The following LRP1B variants were observed in gnomAD, a reference collection of about 807,000 sequenced individuals.
The protein encoded by LRP1B is LDL receptor related protein 1B, also known as low-density lipoprotein receptor-related protein 1B.
Under a neutral mutation model 556.6 loss-of-function variants are expected in LRP1B, and 217 were observed. The ratio of observed to expected loss-of-function variants is 0.39; its 90% CI spans 0.35 to 0.44. LRP1B has a LOEUF of 0.44. LRP1B is among the 20% of genes least tolerant of loss of function. The pLI is 1.00. For missense variants in LRP1B, 5,053 were observed against 5,620.8 expected, an observed-to-expected ratio of 0.90 and a Z score of 3.23; for synonymous variants, 2,047 against 1,865.8, an observed-to-expected ratio of 1.10 and a Z score of -2.50.
At chr2:141,503,931 AT>A (rs1228395008) in intron 2 of LRP1B, among the ~76,000 whole-genome samples, 3 of 80,324 alleles carry the variant, frequency 3.7e-5, no homozygotes, top group Non-Finnish European at 8.1e-5. Context: ...AACACTAAGT[AT>A]TTTACTCCAT....
Position 140,239,483 on chromosome 2 carries a change from G to T in LRP1B, c.13374C>A (p.Thr4458=). The part of the protein sequence containing the change: ...VPLVLLVTLI[T]TLVIGLVLCK... The stretch of plus-strand genomic sequence containing the variant: ...AAAGCACTAAACCAATTACTAAGGT[G>T]GTTATCAAAGTCACCAAGAGGACGA... The change falls in exon 88 of 91, where the codon ACC becomes ACA. Residue 4458 remains threonine, a synonymous_variant. Transcript: ENST00000389484. The T allele has an allele frequency of 1.2e-6, 2 of 1,604,102 alleles. No homozygotes were observed. Among genetic ancestry groups the T allele is most frequent in the Non-Finnish European group, 1.7e-6 (2 of 1,173,826 alleles).
At chr2:140,448,853 T>C (rs1686773798) in intron 63 of LRP1B, among the ~76,000 whole-genome samples, 1 of 152,136 alleles carries the variant, frequency 6.6e-6, no homozygotes, top group African/African-American at 2.4e-5. Flanking sequence ...GATAACATCA[T>C]GTTGCATACC....
intron 1 of LRP1B, among the ~76,000 whole-genome samples, chr2:141,966,657 G>A (rs1163943252): frequency 6.6e-6 from 1 of 151,524 alleles, no homozygotes; most frequent in Non-Finnish European, 1.5e-5. Context: ...CCATCTCGGG[G>A]GGCTGCTGGT....
intron 2 of LRP1B, among the ~76,000 whole-genome samples, chr2:141,671,182 A>T (rs1574222413): frequency 6.6e-6 from 1 of 152,226 alleles, no homozygotes; most frequent in East Asian, 1.9e-4. Context: ...GAATTAAAAT[A>T]ATCCTTGAGA....
intron 7 of LRP1B, among the ~76,000 whole-genome samples, chr2:141,089,869 A>G (rs1405420348): frequency 1.3e-5 from 2 of 152,346 alleles, no homozygotes; most frequent in Non-Finnish European, 2.9e-5. Context: ...AGTTGGGTCA[A>G]TGTTCACCAA....
In LRP1B at chr2:141,506,885, T is replaced by C. The variant is rs145148034; in HGVS notation, c.206-26352A>G. Among the ~76,000 whole-genome samples, 805 of 152,254 alleles carry C rather than the reference T, an allele frequency of 5.3e-3. 3 individuals carry two copies. The highest frequency in any genetic ancestry group is 8.5e-3 in the Non-Finnish European group (579 of 67,986). On this transcript the variant is annotated intron_variant, in intron 2 of 90. Transcript: ENST00000389484. Reference sequence around the variant, plus strand: ...AAATTGAAACATAGTTCTAATTGCCTTTGGAATATATTATGTGTAAATGAT... The same window carrying C: ...AAATTGAAACATAGTTCTAATTGCCCTTGGAATATATTATGTGTAAATGAT...
intron 31 of LRP1B, among the ~76,000 whole-genome samples, chr2:140,835,074 GA>G (rs1338434366): frequency 2.0e-5 from 3 of 152,150 alleles, no homozygotes; most frequent in Non-Finnish European, 4.4e-5. Flanking sequence ...GTATGTGAAG[GA>G]AATGAAAATA....
intron 1 of LRP1B, among the ~76,000 whole-genome samples, chr2:141,814,337 C>G (rs911577766): frequency 6.6e-6 from 1 of 152,210 alleles, no homozygotes; most frequent in African/African-American, 2.4e-5. Context: ...GGAGTTCTAC[C>G]GAGGACCTGC....
At chr2:141,847,689 T>A (rs1697699786) in intron 1 of LRP1B, among the ~76,000 whole-genome samples, 1 of 151,550 alleles carries the variant, frequency 6.6e-6, no homozygotes, top group South Asian at 2.1e-4. Flanking sequence ...CTAAATGCAT[T>A]ATTATGTAAA....
At chr2:140,321,113 T>C (rs1020882887) in intron 82 of LRP1B, among the ~76,000 whole-genome samples, 2 of 152,040 alleles carry the variant, frequency 1.3e-5, no homozygotes, top group Non-Finnish European at 2.9e-5. Flanking sequence ...TGGATTTTCT[T>C]TTAGTAACAA....
intron 15 of LRP1B, among the ~76,000 whole-genome samples, chr2:140,996,908 T>C (rs1417462788): frequency 6.6e-6 from 1 of 151,998 alleles, no homozygotes; most frequent in Non-Finnish European, 1.5e-5. Flanking sequence ...CAGTGCATAA[T>C]GTGACTGAAT....
At chr2:141,888,123 T>C (rs1208431939) in intron 1 of LRP1B, among the ~76,000 whole-genome samples, 1 of 152,216 alleles carries the variant, frequency 6.6e-6, no homozygotes, top group Non-Finnish European at 1.5e-5. Flanking sequence ...TCAGGAATTA[T>C]ATGGACTTTG....
chr2:140,658,871 A>T (rs989092567), intron 41 of LRP1B, among the ~76,000 whole-genome samples: 3 of 151,992 alleles, frequency 2.0e-5, no homozygotes, highest in Non-Finnish European at 2.9e-5. Flanking sequence ...TATGATTTGC[A>T]AATCTGTTCA....
intron 6 of LRP1B, among the ~76,000 whole-genome samples, chr2:141,211,476 C>T (rs941837678): frequency 1.3e-5 from 2 of 151,756 alleles, no homozygotes; most frequent in Admixed American, 1.3e-4. Context: ...AAATACTAGC[C>T]GGCCCTGGTG....
intron 41 of LRP1B, among the ~76,000 whole-genome samples, chr2:140,647,566 G>A (rs1684527246): frequency 6.6e-6 from 1 of 152,166 alleles, no homozygotes; most frequent in South Asian, 2.1e-4. Flanking sequence ...GGGAATATGG[G>A]CATTCAGTCT....
rs188525050 is a variant in LRP1B, at chr2:141,868,864, C to T, written c.83-58463G>A. ...GGTATCATCTTTTACTGCCTAATAA[C>T]TGAGGCTCATTTACAAAGTAATCAC... On this transcript the variant is annotated intron_variant, in intron 1 of 90. Transcript: ENST00000389484. Among the ~76,000 whole-genome samples, 440 of 152,184 alleles carry T rather than the reference C, an allele frequency of 2.9e-3. 5 individuals are homozygous for T. The highest frequency in any genetic ancestry group is 0.01 in the African/African-American group (429 of 41,538).
intron 31 of LRP1B, among the ~76,000 whole-genome samples, chr2:140,821,466 G>A (rs1311323426): frequency 6.6e-6 from 1 of 152,120 alleles, no homozygotes; most frequent in African/African-American, 2.4e-5. Context: ...TGATTGTGCT[G>A]AGTAATAAGT....
chr2:140,381,092 T>C (rs1169908242), intron 67 of LRP1B, among the ~76,000 whole-genome samples: 1 of 152,136 alleles, frequency 6.6e-6, no homozygotes, highest in Admixed American at 6.6e-5. Flanking sequence ...TTTCTAACCA[T>C]CATTCATATA....
intron 32 of LRP1B, among the ~76,000 whole-genome samples, chr2:140,796,048 G>T (rs1475685593): frequency 1.3e-4 from 17 of 132,674 alleles, no homozygotes; most frequent in Non-Finnish European, 1.7e-4. Context: ...TTATGTCCCT[G>T]CTCTATATCT....
Sources: allele counts gnomAD v4.1 joint callset (sites outside exome capture counted in the v4.1 genomes callset), GRCh38; gene constraint gnomAD v4.1.1; transcripts MANE v1.5; gene names NCBI Gene and HGNC (gene_info 2026-07-23, HGNC 2026-07-21).